Variants in TFDP1 observed in about 807,000 individuals in gnomAD.
TFDP1 encodes transcription factor Dp-1, also known as DRTF1-polypeptide 1.
A neutral mutation model predicts 48.0 loss-of-function variants in TFDP1; 6 were observed. The ratio of observed to expected loss-of-function variants is 0.13; its 90% CI spans 0.07 to 0.25. The LOEUF is 0.25. Among genes scored for constraint, TFDP1 ranks in the 10% least tolerant of loss-of-function variants. TFDP1 has a pLI of 1.00. For synonymous variants in TFDP1, 201 were observed against 211.6 expected (o/e 0.95, Z 0.44); for missense variants, 335 against 543.0 (o/e 0.62, Z 3.81).
intron 4 of TFDP1, among the ~76,000 whole-genome samples, chr13:113,630,137 TG>T (rs1462598847): frequency 6.7e-6 from 1 of 148,232 alleles, no homozygotes. Flanking sequence ...ATCTCCCACG[TG>T]GCCCAGTGCC....
rs189074315 is a variant in TFDP1, at chr13:113,591,172, T to C, written c.12+5323T>C. Among the ~76,000 whole-genome samples the C allele has an allele frequency of 4.0e-3, 603 of 150,912 alleles. 7 individuals carry two copies. Among genetic ancestry groups the C allele is most frequent in the African/African-American group, 0.014 (566 of 41,104 alleles). ...GTCTGGCCAACATGGCAAAACCCTG[T>C]CTCTACTAAACATACAGAAATTAGC... On this transcript the variant is annotated intron_variant, in intron 2 of 11. Coordinates refer to ENST00000375370, the MANE Select transcript of TFDP1 (RefSeq NM_007111.5).
chr13:113,610,167 A>G (rs923863158), intron 2 of TFDP1, among the ~76,000 whole-genome samples: 13 of 146,272 alleles, frequency 8.9e-5, no homozygotes, highest in Non-Finnish European at 1.7e-4. Flanking sequence ...GTGTGGCTAT[A>G]CTGTCATGTG....
intron 4 of TFDP1, among the ~76,000 whole-genome samples, chr13:113,628,598 C>G (rs1247760646): frequency 6.6e-6 from 1 of 152,236 alleles, no homozygotes; most frequent in Non-Finnish European, 1.5e-5. Context: ...GGAGTGGGAC[C>G]CACAGCCTCC....
chr13:113,591,006 T>G (rs1295115208), intron 2 of TFDP1, among the ~76,000 whole-genome samples: 1 of 34,552 alleles, frequency 2.9e-5, no homozygotes, highest in Non-Finnish European at 5.1e-5. Flanking sequence ...CGAGACTCTG[T>G]CTCAAAAAAA....
At position 113,631,781 on chromosome 13, in the gene TFDP1, C is replaced by G. The variant is rs115443119; in HGVS notation, c.308+37C>G. Reference sequence around the variant, plus strand: ...CCTCTGGACCCTTAGAGTTGTAGGACTGCTTGCGGTTCGCACCTCCACGTT... The same window carrying G: ...CCTCTGGACCCTTAGAGTTGTAGGAGTGCTTGCGGTTCGCACCTCCACGTT... On this transcript the variant is annotated intron_variant, in intron 5 of 11. Transcript: ENST00000375370. 738 of 1,608,386 alleles carry G rather than the reference C, an allele frequency of 4.6e-4. 3 individuals carry two copies. In the African/African-American group the frequency reaches 9.1e-3, roughly 20 times the overall value.
intron 2 of TFDP1, among the ~76,000 whole-genome samples, chr13:113,596,135 C>T (rs2048284864): frequency 6.6e-6 from 1 of 152,090 alleles, no homozygotes; most frequent in Admixed American, 6.5e-5. Flanking sequence ...TTATTTTAGG[C>T]TCCACTATTT....
At chr13:113,604,085 G>A (rs564521996) in intron 2 of TFDP1, among the ~76,000 whole-genome samples, 2 of 151,630 alleles carry the variant, frequency 1.3e-5, no homozygotes, top group African/African-American at 2.4e-5. Context: ...GGCTTGAACC[G>A]GGAAGGTCAA....
At chr13:113,601,429 G>A (rs563630114) in intron 2 of TFDP1, among the ~76,000 whole-genome samples, 49 of 132,032 alleles carry the variant, frequency 3.7e-4, no homozygotes, top group East Asian at 2.6e-3. Flanking sequence ...AGGGCAGCTC[G>A]CTGGTGGCTT....
chr13:113,586,908 G>A (rs2048019280), intron 2 of TFDP1, among the ~76,000 whole-genome samples: 1 of 152,220 alleles, frequency 6.6e-6, no homozygotes, highest in South Asian at 2.1e-4. Context: ...CACTGTGCTT[G>A]TCCGTACCAT....
chr13:113,588,909 A>C (rs1243366745), intron 2 of TFDP1, among the ~76,000 whole-genome samples: 1 of 149,018 alleles, frequency 6.7e-6, no homozygotes, highest in Admixed American at 6.7e-5. Flanking sequence ...GTGATGGTGG[A>C]GTTGGTAGAG....
At chr13:113,620,277 G>T (rs1325370093) in intron 3 of TFDP1, among the ~76,000 whole-genome samples, 3 of 152,224 alleles carry the variant, frequency 2.0e-5, no homozygotes, top group Non-Finnish European at 2.9e-5. Flanking sequence ...GATGGGGCAG[G>T]AAAGGGGAGC....
chr13:113,630,361 G>C (rs1368965320), intron 4 of TFDP1, among the ~76,000 whole-genome samples: 1 of 152,196 alleles, frequency 6.6e-6, no homozygotes, highest in Non-Finnish European at 1.5e-5. Context: ...GAAAAGATCA[G>C]TCCTTGAAAT....
chr13:113,591,731 A>C (rs770922754), intron 2 of TFDP1, among the ~76,000 whole-genome samples: 3 of 152,202 alleles, frequency 2.0e-5, no homozygotes, highest in African/African-American at 4.8e-5. Flanking sequence ...AGATTTGTCA[A>C]GTTTTGCTTA....
chr13:113,586,772 C>T (rs1442688056), intron 2 of TFDP1, among the ~76,000 whole-genome samples: 1 of 152,246 alleles, frequency 6.6e-6, no homozygotes, highest in East Asian at 1.9e-4. Context: ...CCAGGCATGT[C>T]ACACGGCATC....
At chr13:113,638,708 A>C (rs1242267867) in intron 11 of TFDP1, among the ~76,000 whole-genome samples, 1 of 152,222 alleles carries the variant, frequency 6.6e-6, no homozygotes, top group African/African-American at 2.4e-5. Context: ...CTGCAATCCC[A>C]CAGAGTAGAA....
At chr13:113,589,623 G>T (rs752912311) in intron 2 of TFDP1, among the ~76,000 whole-genome samples, 1 of 152,230 alleles carries the variant, frequency 6.6e-6, no homozygotes, top group Non-Finnish European at 1.5e-5. Flanking sequence ...GGGTGGCTCT[G>T]ACCCGCAGAT....
intron 3 of TFDP1, among the ~76,000 whole-genome samples, chr13:113,611,911 C>T (rs142809203): frequency 1.3e-5 from 2 of 152,282 alleles, no homozygotes; most frequent in South Asian, 2.1e-4. Context: ...GTGCCCTGGT[C>T]GCAACATCCA....
intron 2 of TFDP1, 194 bp downstream of exon 2, chr13:113,586,043 A>C (rs1379386742): frequency 1.8e-6 from 1 of 553,084 alleles, no homozygotes; most frequent in Non-Finnish European, 3.1e-6. Context: ...ACCACCCACA[A>C]GTTGTGGCCT....
intron 2 of TFDP1, among the ~76,000 whole-genome samples, chr13:113,597,766 G>A (rs1215506059): frequency 6.6e-6 from 1 of 152,258 alleles, no homozygotes; most frequent in Non-Finnish European, 1.5e-5. Flanking sequence ...ATCAGAGCTG[G>A]AGGGACGGCC....
Sources: gnomAD v4.1 joint callset for allele counts (sites outside exome capture counted in the v4.1 genomes callset) on GRCh38, gnomAD v4.1.1 for gene constraint, MANE v1.5 for transcripts, NCBI Gene and HGNC (gene_info 2026-07-23, HGNC 2026-07-21) for gene names.